Variants in DOP1B observed in about 807,000 individuals in gnomAD.
DOP1B encodes the protein DOP1 leucine zipper like protein B.
In DOP1B, 174 loss-of-function variants were observed where a neutral mutation model predicts 233.5. The ratio of observed to expected loss-of-function variants is 0.75; its 90% CI spans 0.66 to 0.85. The LOEUF is 0.85. Among genes scored for constraint, DOP1B ranks in the 40% least tolerant of loss-of-function variants. The probability of loss-of-function intolerance (pLI) is 0.00; values close to 1 mark genes in which losing one functional copy is unlikely to be tolerated. For missense variants in DOP1B, 2,652 were observed against 2,846.6 expected, an observed-to-expected ratio of 0.93 and a Z score of 1.56; for synonymous variants, 1,190 against 1,185.6, an observed-to-expected ratio of 1.00 and a Z score of -0.08.
At chr21:36,199,346 G>A (rs1008412896) in intron 3 of DOP1B, 95 bp downstream of exon 3, 17 of 1,460,106 alleles carry the variant, frequency 1.2e-5, no homozygotes, top group African/African-American at 5.6e-5. Flanking sequence ...CAAAATAAGC[G>A]TAGGGCTGTG....
chr21:36,282,307 C>G (rs1215530711), intron 32 of DOP1B, among the ~76,000 whole-genome samples: 1 of 152,152 alleles, frequency 6.6e-6, no homozygotes, highest in East Asian at 1.9e-4. Context: ...GTAATCCCAG[C>G]TACTTGAGGC....
chr21:36,160,463 C>T (rs1165516313), intron 1 of DOP1B, among the ~76,000 whole-genome samples: 3 of 144,890 alleles, frequency 2.1e-5, no homozygotes, highest in Non-Finnish European at 4.5e-5. Flanking sequence ...TTGTTTGGTT[C>T]TATTTTAAGT....
chr21:36,188,983 A>G (rs112548901), intron 2 of DOP1B, among the ~76,000 whole-genome samples: 52 of 152,338 alleles, frequency 3.4e-4, no homozygotes, highest in African/African-American at 1.1e-3. Context: ...GGTAAAATAC[A>G]TATAACATAA....
chr21:36,176,491 A>G (rs2066033132), intron 2 of DOP1B, among the ~76,000 whole-genome samples: 1 of 151,838 alleles, frequency 6.6e-6, no homozygotes, highest in South Asian at 2.1e-4. Flanking sequence ...CGTGACACCT[A>G]AATTTGGGGC....
intron 22 of DOP1B, 104 bp from the exon 23 acceptor site, chr21:36,253,668 T>C: frequency 3.9e-6 from 5 of 1,285,388 alleles, no homozygotes; most frequent in Non-Finnish European, 5.3e-6. Flanking sequence ...GAAAACAGAT[T>C]GATTTCTCCA....
chr21:36,161,979 A>G (rs1428739361), intron 1 of DOP1B, among the ~76,000 whole-genome samples: 1 of 152,200 alleles, frequency 6.6e-6, no homozygotes, highest in African/African-American at 2.4e-5. Flanking sequence ...TGGATAGACC[A>G]TATTTTGTGG....
chr21:36,192,201 A>C (rs565384748), intron 2 of DOP1B, among the ~76,000 whole-genome samples: 1 of 151,974 alleles, frequency 6.6e-6, no homozygotes, highest in Admixed American at 6.6e-5. Context: ...TCTACAAAAA[A>C]TATAGAAATC....
rs200138626 is a variant in DOP1B at position 36,167,929 on chromosome 21, CTTTTCTTTTTCTTTTTTTT to C, written c.138+3063_138+3081del. On this transcript the variant is annotated intron_variant, in intron 2 of 36. Coordinates refer to ENST00000691173, the MANE Select transcript of DOP1B (RefSeq NM_001320714.2). ...GGTAAGTCACATTTTCTTTTCTTTTCTTTTCTTTTTCTTTTTTTTTTTTTTTTTTTTCGAGATGGAATCT... is the reference window on the plus strand; with the variant it reads ...GGTAAGTCACATTTTCTTTTCTTTTCTTTTTTTTTTTTCGAGATGGAATCT... 0.026 allele frequency among the ~76,000 whole-genome samples: 2,556 copies of C among 97,384 alleles called. 226 individuals are homozygous for C. The East Asian group carries it at 0.3, about 11-fold the overall frequency. 63.9% of individuals were successfully genotyped at this position (97,384 alleles called of 152,430 possible). A position where few individuals can be genotyped will look rare whatever the true frequency, so the allele number is the denominator to read the frequency against.
At chr21:36,204,997 C>T (rs1354487728) in intron 4 of DOP1B, among the ~76,000 whole-genome samples, 2 of 152,182 alleles carry the variant, frequency 1.3e-5, no homozygotes, top group Non-Finnish European at 2.9e-5. Flanking sequence ...TGATCATGAT[C>T]TGTGCTGGTT....
At chr21:36,201,345 C>CTTGTTTTTTTTTTTTTTTTTTTTTT (rs2066363668) in intron 4 of DOP1B, among the ~76,000 whole-genome samples, 1 of 83,290 alleles carries the variant, frequency 1.2e-5, no homozygotes, top group African/African-American at 5.0e-5. Flanking sequence ...CTATTGGATT[C>CTTGTTTTTTTTTTTTTTTTTTTTTT]TTTTTTTTTT....
At position 36,214,556 on chromosome 21, in the gene DOP1B, G is replaced by A; in HGVS notation, c.1129G>A (p.Gly377Arg). The change falls in exon 9 of 37, where the codon GGG becomes AGG. Residue 377 changes from glycine to arginine, a missense_variant and splice_region_variant. Physicochemically the swap from Gly to Arg is moderately radical, Grantham distance 125. Coordinates refer to ENST00000691173, the MANE Select transcript of DOP1B (RefSeq NM_001320714.2). ...CAGTCTGCTTGACAAGCCAGAAATA[G>A]GTAATGTTAGAAATGCTGCTTCTAT... ...LISLLDKPEI[G>R]PQVVGNLFLE... 6.2e-7 allele frequency: 1 copy of A among 1,613,292 alleles called. No individual in the cohort carries two copies. The highest frequency in any genetic ancestry group is 8.5e-7 in the Non-Finnish European group (1 of 1,179,756).
chr21:36,211,548 T>C lies in DOP1B; in HGVS notation c.682-5T>C, dbSNP rs780475786. On this transcript the variant is annotated splice_polypyrimidine_tract_variant and splice_region_variant and intron_variant, in intron 5 of 36. Coordinates refer to ENST00000691173, the MANE Select transcript of DOP1B (RefSeq NM_001320714.2). ...AAAATGCTAGTGCCGTTTGATCGTT[T>C]ACAGGTGAAGTCTTTGCGTGCCTCC... The C allele has an allele frequency of 2.7e-5, 43 of 1,613,766 alleles. No individual in the cohort carries two copies. The highest frequency in any genetic ancestry group is 3.3e-4 in the Middle Eastern group (2 of 6,084).
Position 36,246,876 on chromosome 21 carries a change from A to ATGTTATGTTATGT in DOP1B, c.4697+201_4697+213dup, listed in dbSNP as rs1466487324. On this transcript the variant is annotated intron_variant, in intron 19 of 36. Coordinates refer to ENST00000691173, the MANE Select transcript of DOP1B (RefSeq NM_001320714.2). This position sits in a 1 kb window ranked among gnomAD's most constrained non-coding sequence, Gnocchi z 5.1. ...ATGTTATGTTATGTTATGTTATGTT[A>ATGTTATGTTATGT]TGTTATGTTATGTTATGTTATTTTT... Among the ~76,000 whole-genome samples, 1 of 149,736 alleles carries ATGTTATGTTATGT rather than the reference A, an allele frequency of 6.7e-6. No homozygotes were observed. The highest frequency in any genetic ancestry group is 2.5e-5 in the African/African-American group (1 of 39,604).
chr21:36,218,460 T>C lies in DOP1B; in HGVS notation c.1130-912T>C, dbSNP rs374934025. Among the ~76,000 whole-genome samples, 63 of 152,022 alleles carry C rather than the reference T, an allele frequency of 4.1e-4. 2 individuals carry two copies. The South Asian group carries it at 0.013, about 32-fold the overall frequency. On this transcript the variant is annotated intron_variant, in intron 9 of 36. Coordinates refer to ENST00000691173, the MANE Select transcript of DOP1B (RefSeq NM_001320714.2). ...ATTGCTTGAACCCGGGAGGCGGAGG[T>C]TGCAGTGAGCTGAAATCATGCCACT... is the stretch of plus-strand genomic sequence containing the variant.
chr21:36,167,449 A>G (rs1404017882), intron 2 of DOP1B, among the ~76,000 whole-genome samples: 1 of 152,214 alleles, frequency 6.6e-6, no homozygotes, highest in Non-Finnish European at 1.5e-5. Context: ...TACAGGGATT[A>G]CAGGCATGAG....
intron 1 of DOP1B, among the ~76,000 whole-genome samples, chr21:36,160,727 C>T (rs2065861787): frequency 6.6e-6 from 1 of 152,240 alleles, no homozygotes; most frequent in South Asian, 2.1e-4. Flanking sequence ...ATCCACCCGC[C>T]TCGGCCTCCC....
At chr21:36,212,374 T>A (rs923339675) in intron 7 of DOP1B, among the ~76,000 whole-genome samples, 1 of 152,134 alleles carries the variant, frequency 6.6e-6, no homozygotes, top group South Asian at 2.1e-4. Context: ...CACCAAAAAG[T>A]GGTAGCAAAA....
At position 36,164,866 on chromosome 21, in the gene DOP1B, A is replaced by C. The variant is rs146034004; in HGVS notation, c.133A>C (p.Asn45His). 6.2e-7 allele frequency: 1 copy of C among 1,610,324 alleles called. No homozygotes were observed. The highest frequency in any genetic ancestry group is 1.7e-5 in the Admixed American group (1 of 59,268). ...TCTCATATCTTCACTTGGCAAACTCAACAAGGTATGTAGGGTGTATCCTAT... is the reference window on the plus strand; with the variant it reads ...TCTCATATCTTCACTTGGCAAACTCCACAAGGTATGTAGGGTGTATCCTAT... Reference protein sequence around the residue: ...ADLISSLGKLNKALQSNLRYS... With the variant: ...ADLISSLGKLHKALQSNLRYS... Residue 45 changes from asparagine (N) to histidine (H), a missense_variant, in exon 2 of 37, where the codon AAC (asparagine) becomes CAC (histidine). This residue lies in a region of DOP1B where 2,617 missense variants were observed against 2,794.3 expected (regional missense o/e 0.94). Transcript: ENST00000691173.
At chr21:36,251,076 G>A in intron 21 of DOP1B, 86 bp from the exon 22 acceptor site, 3 of 1,488,054 alleles carry the variant, frequency 2.0e-6, no homozygotes, top group Middle Eastern at 1.9e-4. Context: ...CCTTGCTCTC[G>A]GTATGGACAG....
Sources: allele counts gnomAD v4.1 joint callset (sites outside exome capture counted in the v4.1 genomes callset), GRCh38; gene constraint gnomAD v4.1.1; regional missense constraint gnomAD v4.1.1; non-coding constraint Gnocchi (gnomAD v3.1); transcripts MANE v1.5; gene names NCBI Gene and HGNC (gene_info 2026-07-23, HGNC 2026-07-21).